Variants in C2CD5 observed in about 807,000 individuals in gnomAD.
C2CD5 encodes the protein C2 domain-containing protein 5.
Under a neutral mutation model 130.3 loss-of-function variants are expected in C2CD5, and 109 were observed. The observed-to-expected ratio is 0.84, with a 90% confidence interval of 0.72 to 0.98. C2CD5 has a LOEUF of 0.98. C2CD5 is among the 50% of genes least tolerant of loss of function. The pLI, the probability that C2CD5 is intolerant of heterozygous loss-of-function variation, is 0.00. For synonymous variants in C2CD5, 454 were observed against 429.2 expected, an observed-to-expected ratio of 1.06 and a Z score of -0.71; for missense variants, 996 against 1,261.8, an observed-to-expected ratio of 0.79 and a Z score of 3.19.
intron 14 of C2CD5, 43 bp downstream of exon 14, chr12:22,482,514 A>G (rs534423426): frequency 1.7e-5 from 25 of 1,513,366 alleles, no homozygotes; most frequent in Middle Eastern, 2.3e-4. Context: ...ATCTACTATA[A>G]TTAAGGAAAT....
At position 22,490,177 on chromosome 12, in the gene C2CD5, A is replaced by G; in HGVS notation, c.1304T>C (p.Val435Ala). ...ATCCTGCAGAAATCTAGGATTCAGT[A>G]CAGCCGCTGTGCCAGATGCAGATAA... The part of the protein sequence containing the change: ...CILSASGTAA[V>A]LNPRFLQDGT... The change falls in exon 12 of 27, where the codon GTA becomes GCA. Residue 435 changes from valine to alanine, a missense_variant. Physicochemically the swap from Val to Ala is moderately conservative, Grantham distance 64. This residue lies in a region of C2CD5 where 590 missense variants were observed against 631.4 expected (regional missense o/e 0.93). Coordinates refer to ENST00000446597, the MANE Select transcript of C2CD5 (RefSeq NM_001286176.2). 6.2e-7 allele frequency: 1 copy of G among 1,613,746 alleles called. No homozygotes were observed. The highest frequency in any genetic ancestry group is 8.5e-7 in the Non-Finnish European group (1 of 1,179,708).
chr12:22,515,026 A>G, intron 8 of C2CD5: 2 of 985,366 alleles, frequency 2.0e-6, no homozygotes, highest in African/African-American at 3.5e-5. Context: ...TGACAAGGCT[A>G]GAATGATGAG....
intron 15 of C2CD5, 64 bp downstream of exon 15, chr12:22,478,249 T>G: frequency 7.3e-7 from 1 of 1,371,524 alleles, no homozygotes; most frequent in African/African-American, 1.4e-5. Flanking sequence ...CTCAATAAGA[T>G]AACCTAAAAA....
intron 12 of C2CD5, among the ~76,000 whole-genome samples, chr12:22,485,978 C>A (rs192449600): frequency 1.3e-5 from 2 of 151,886 alleles, no homozygotes; most frequent in East Asian, 3.9e-4. Flanking sequence ...AAGCATTATA[C>A]GAGTCAAATG....
intron 11 of C2CD5, among the ~76,000 whole-genome samples, chr12:22,490,565 G>T (rs1946205812): frequency 6.6e-6 from 1 of 151,970 alleles, no homozygotes; most frequent in African/African-American, 2.4e-5. Context: ...ATTAATCAAT[G>T]AAACTATATT....
At chr12:22,493,686 CCTCA>C (rs1946649256) in intron 10 of C2CD5, among the ~76,000 whole-genome samples, 1 of 152,032 alleles carries the variant, frequency 6.6e-6, no homozygotes, top group Admixed American at 6.6e-5. Flanking sequence ...CTACATCTCA[CCTCA>C]CTGAGTGAAC....
At chr12:22,499,077 T>C (rs574896299) in intron 10 of C2CD5, among the ~76,000 whole-genome samples, 35 of 152,308 alleles carry the variant, frequency 2.3e-4, no homozygotes, top group Non-Finnish European at 4.3e-4. Context: ...TCATACTCAT[T>C]TGAAAAATGA....
At chr12:22,480,295 A>G (rs1944519016) in intron 14 of C2CD5, among the ~76,000 whole-genome samples, 1 of 152,200 alleles carries the variant, frequency 6.6e-6, no homozygotes, top group African/African-American at 2.4e-5. Context: ...ATCACAGCAC[A>G]CAGTTTCTCC....
intron 13 of C2CD5, chr12:22,484,494 C>T (rs1945192971): frequency 2.5e-6 from 1 of 397,604 alleles, no homozygotes; most frequent in Non-Finnish European, 4.4e-6. Context: ...AAGTTAAAAA[C>T]TGCTTTTGTA....
chr12:22,449,460 A>T lies in C2CD5; in HGVS notation c.*300T>A. 4.9e-6 allele frequency: 1 copy of T among 204,782 alleles called. No individual in the cohort carries two copies. Among genetic ancestry groups the T allele is most frequent in the Non-Finnish European group, 9.8e-6 (1 of 101,558 alleles). 12.7% of individuals were successfully genotyped at this position (204,782 alleles called of 1,614,324 possible). ...TGACAATCTTCCCATTTCATTTTTT[A>T]AATTATGATTTTATTAAAATCAACA... On this transcript the variant is annotated 3_prime_UTR_variant, in exon 27 of 27. Transcript: ENST00000446597.
intron 2 of C2CD5, among the ~76,000 whole-genome samples, chr12:22,542,535 A>G (rs1320692048): frequency 1.3e-5 from 2 of 152,264 alleles, no homozygotes; most frequent in Non-Finnish European, 2.9e-5. Flanking sequence ...ATCCCAGTCT[A>G]TGCCTTTGCC....
chr12:22,471,985 G>A lies in C2CD5; in HGVS notation c.2250C>T (p.Leu750=). The change falls in exon 19 of 27, where the codon CTC becomes CTT. Residue 750 remains leucine (L), a synonymous_variant. Transcript: ENST00000446597. ...TTCCTACCTTGAGCAAATTTTCACAGAGATCATTAAAGTTCTTATTGAGAG... is the reference window on the plus strand; with the variant it reads ...TTCCTACCTTGAGCAAATTTTCACAAAGATCATTAAAGTTCTTATTGAGAG... ...NQALNKNFND[L]CENLLKSLYF... 1 of 1,603,572 alleles carries A rather than the reference G, an allele frequency of 6.2e-7. No individual in the cohort carries two copies. The highest frequency in any genetic ancestry group is 8.5e-7 in the Non-Finnish European group (1 of 1,171,110).
chr12:22,515,946 A>T (rs1949676358), intron 8 of C2CD5, among the ~76,000 whole-genome samples: 1 of 151,982 alleles, frequency 6.6e-6, no homozygotes, highest in Admixed American at 6.6e-5. Flanking sequence ...AAAAATATAA[A>T]AATAAAACCT....
chr12:22,456,445 T>C (rs1418720167), intron 25 of C2CD5, among the ~76,000 whole-genome samples: 3 of 152,188 alleles, frequency 2.0e-5, no homozygotes, highest in African/African-American at 7.2e-5. Context: ...TTACAACTTG[T>C]TATTTAAAAA....
At position 22,506,752 on chromosome 12, in the gene C2CD5, C is replaced by T; in HGVS notation, c.1106G>A (p.Ser369Asn). 1 of 1,612,354 alleles carries T rather than the reference C, an allele frequency of 6.2e-7. No individual in the cohort carries two copies. The highest frequency in any genetic ancestry group is 8.5e-7 in the Non-Finnish European group (1 of 1,178,460). The change falls in exon 10 of 27, where the codon AGT becomes AAT. Residue 369 changes from serine to asparagine, a missense_variant. By Grantham distance (46) the Ser-to-Asn change is conservative. Transcript: ENST00000446597. The part of the protein sequence containing the change: ...GFLVHVGGVV[S>N]ARSVKLLDRI... The stretch of plus-strand genomic sequence containing the variant: ...ATCCAAAAGCTTCACAGAACGTGCA[C>T]TAACTACACCCCCAACGTGTACAAG...
chr12:22,483,444 A>G lies in C2CD5; in HGVS notation c.1551-701T>C, dbSNP rs1945016390. ...GACTAATAGATTATTTCTCAACAGT[A>G]GCAATGAAAGCCAGAAGACAGTGGT... On this transcript the variant is annotated intron_variant, in intron 13 of 26. Coordinates refer to ENST00000446597, the MANE Select transcript of C2CD5 (RefSeq NM_001286176.2). Among the ~76,000 whole-genome samples, 3 of 152,274 alleles carry G rather than the reference A, an allele frequency of 2.0e-5. No individual in the cohort carries two copies. The South Asian group carries it at 6.2e-4, about 32-fold the overall frequency.
At chr12:22,506,666 C>A in intron 10 of C2CD5, 45 bp downstream of exon 10, 1 of 1,072,892 alleles carries the variant, frequency 9.3e-7, no homozygotes, top group Non-Finnish European at 1.4e-6. Flanking sequence ...ATTTTAATAA[C>A]CACAATTTAA....
chr12:22,543,277 GC>G (rs775047227), intron 2 of C2CD5, among the ~76,000 whole-genome samples: 14 of 152,168 alleles, frequency 9.2e-5, no homozygotes, highest in Non-Finnish European at 1.9e-4. Context: ...TTACCTTCCG[GC>G]CGTAGGCCTT....
chr12:22,474,669 A>G, intron 16 of C2CD5, 82 bp downstream of exon 16: 3 of 941,076 alleles, frequency 3.2e-6, no homozygotes, highest in Non-Finnish European at 4.7e-6. Context: ...ATGATATAAA[A>G]GTATCATATT....
Sources: gnomAD v4.1 joint callset for allele counts (sites outside exome capture counted in the v4.1 genomes callset) on GRCh38, gnomAD v4.1.1 for gene constraint, gnomAD v4.1.1 regional missense constraint, MANE v1.5 for transcripts, NCBI Gene and HGNC (gene_info 2026-07-23, HGNC 2026-07-21) for gene names.